The following KIAA1217 variants were observed in gnomAD, a reference collection of about 807,000 sequenced individuals.
KIAA1217 encodes the protein sickle tail protein homolog.
In KIAA1217, 88 loss-of-function variants were observed where a neutral mutation model predicts 163.9. That is an observed-to-expected ratio of 0.54 (90% CI 0.45 to 0.64). The LOEUF is 0.64. Ranked by LOEUF, KIAA1217 falls within the 30% of genes least tolerant of loss-of-function variation. KIAA1217 has a pLI of 0.00. For synonymous variants in KIAA1217, 903 were observed against 923.1 expected (o/e 0.98, Z 0.39); for missense variants, 2,372 against 2,475.0 (o/e 0.96, Z 0.88).
At chr10:24,526,536 G>A (rs879945532) in intron 13 of KIAA1217, among the ~76,000 whole-genome samples, 1 of 152,098 alleles carries the variant, frequency 6.6e-6, no homozygotes, top group Admixed American at 6.6e-5. Flanking sequence ...GAACCTAGTG[G>A]GCATAGTTAT....
At chr10:24,205,796 A>G (rs535079206), upstream of KIAA1217, among the ~76,000 whole-genome samples, 61 of 152,268 alleles carry the variant, frequency 4.0e-4, no homozygotes, top group African/African-American at 1.3e-3. Context: ...AAAGAAGGAA[A>G]AAAGGAAAAA....
intron 2 of KIAA1217, among the ~76,000 whole-genome samples, chr10:24,160,036 T>C (rs934174): frequency 0.65 from 98,903 of 151,936 alleles, 33,062 homozygotes; most frequent in Non-Finnish European, 0.73. Context: ...TGTGGGTATG[T>C]TTCTGGATTC....
intron 1 of KIAA1217, among the ~76,000 whole-genome samples, chr10:23,825,654 A>G (rs974318550): frequency 1.3e-5 from 2 of 152,218 alleles, no homozygotes; most frequent in Non-Finnish European, 2.9e-5. Flanking sequence ...TCCATGAACT[A>G]CAGTTTAGTT....
chr10:24,186,076 T>C (rs1337817674), intron 2 of KIAA1217, among the ~76,000 whole-genome samples: 1 of 152,200 alleles, frequency 6.6e-6, no homozygotes, highest in Non-Finnish European at 1.5e-5. Flanking sequence ...GCAATATTAT[T>C]TTTAAATGGT....
At chr10:24,043,931 C>T (rs1317226785) in intron 2 of KIAA1217, among the ~76,000 whole-genome samples, 1 of 151,688 alleles carries the variant, frequency 6.6e-6, no homozygotes, top group Non-Finnish European at 1.5e-5. Flanking sequence ...CATTTAAAAC[C>T]AAGAGTGAGT....
intron 4 of KIAA1217, among the ~76,000 whole-genome samples, chr10:24,436,398 T>A (rs2060021925): frequency 1.3e-5 from 2 of 151,896 alleles, no homozygotes; most frequent in African/African-American, 4.8e-5. Context: ...ATTTTATGCA[T>A]TAAATGCCTT....
chr10:24,445,342 A>G (rs2060830562), intron 5 of KIAA1217, among the ~76,000 whole-genome samples: 1 of 152,196 alleles, frequency 6.6e-6, no homozygotes, highest in African/African-American at 2.4e-5. Context: ...AGACTTTAGA[A>G]CAAACAAAAT....
rs191469643 is a variant in KIAA1217, at chr10:24,230,080, T to A, written c.354+10171T>A. Among the ~76,000 whole-genome samples, 3 of 152,294 alleles carry A rather than the reference T, an allele frequency of 2.0e-5. No homozygotes were observed. In the East Asian group the frequency reaches 5.8e-4, roughly 29 times the overall value. On this transcript the variant is annotated intron_variant, in intron 2 of 20. Coordinates refer to ENST00000376454, the MANE Select transcript of KIAA1217 (RefSeq NM_019590.5). ...CTATGAAGAACACAGAGAAAGCCAG[T>A]AACATGCTCAGTATTTTTTTTAGCA...
intron 17 of KIAA1217, among the ~76,000 whole-genome samples, chr10:24,540,158 C>T (rs1050777546): frequency 1.3e-5 from 2 of 152,154 alleles, no homozygotes; most frequent in African/African-American, 2.4e-5. Flanking sequence ...ACATTTTTAT[C>T]CTAGTGACTT....
chr10:24,413,388 TCTC>T (rs1349809974), intron 3 of KIAA1217, among the ~76,000 whole-genome samples: 1 of 152,130 alleles, frequency 6.6e-6, no homozygotes, highest in Non-Finnish European at 1.5e-5. Context: ...GTCAGGCTGG[TCTC>T]CTACTCCTGA....
At chr10:23,941,587 G>A (rs752164202) in intron 1 of KIAA1217, among the ~76,000 whole-genome samples, 1 of 152,244 alleles carries the variant, frequency 6.6e-6, no homozygotes, top group African/African-American at 2.4e-5. Flanking sequence ...GGAAATTGAG[G>A]ATGACCATCT....
intron 5 of KIAA1217, among the ~76,000 whole-genome samples, chr10:24,467,049 T>C (rs180889915): frequency 8.4e-6 from 1 of 118,990 alleles, no homozygotes; most frequent in Non-Finnish European, 1.8e-5. Context: ...TTATACTAGG[T>C]TTTTTTTTTC....
chr10:23,881,924 C>A (rs949980233), intron 1 of KIAA1217, among the ~76,000 whole-genome samples: 4 of 151,918 alleles, frequency 2.6e-5, no homozygotes, highest in Non-Finnish European at 4.4e-5. Context: ...GATGCCAGAG[C>A]CCACCTAGCC....
chr10:24,337,650 CT>C (rs747582449), intron 2 of KIAA1217, among the ~76,000 whole-genome samples: 18 of 40,872 alleles, frequency 4.4e-4, no homozygotes, highest in Admixed American at 3.7e-3. Context: ...CTTTTCTTTT[CT>C]TTTTTTTTTT....
chr10:24,080,124 G>A (rs1321690600), intron 2 of KIAA1217, among the ~76,000 whole-genome samples: 1 of 152,198 alleles, frequency 6.6e-6, no homozygotes, highest in Non-Finnish European at 1.5e-5. Flanking sequence ...AACCAGTGTT[G>A]AGTGGCTTCC....
At chr10:23,864,738 A>G (rs1017370464) in intron 1 of KIAA1217, among the ~76,000 whole-genome samples, 5 of 152,134 alleles carry the variant, frequency 3.3e-5, no homozygotes, top group Non-Finnish European at 7.4e-5. Flanking sequence ...GTACATAGTT[A>G]TATATAGAGA....
At chr10:23,728,627 G>T (rs1249307185) in intron 1 of KIAA1217, among the ~76,000 whole-genome samples, 1 of 152,098 alleles carries the variant, frequency 6.6e-6, no homozygotes, top group Non-Finnish European at 1.5e-5. Flanking sequence ...TCACTCCGAT[G>T]ATAGTTTCTT....
chr10:24,220,440 G>C, intron 2 of KIAA1217, among the ~76,000 whole-genome samples: 1 of 137,914 alleles, frequency 7.3e-6, no homozygotes, highest in Non-Finnish European at 1.5e-5. Context: ...TTTTGTTTCT[G>C]CTCTTCTTTT....
chr10:23,894,929 G>A (rs1403682374), intron 1 of KIAA1217, among the ~76,000 whole-genome samples: 1 of 152,076 alleles, frequency 6.6e-6, no homozygotes, highest in African/African-American at 2.4e-5. Flanking sequence ...GGGAAAACTG[G>A]CTAGCCATAT....
Sources: allele counts gnomAD v4.1 joint callset (sites outside exome capture counted in the v4.1 genomes callset), GRCh38; gene constraint gnomAD v4.1.1; transcripts MANE v1.5; gene names NCBI Gene and HGNC (gene_info 2026-07-23, HGNC 2026-07-21).